LTBP1: variants seen among roughly 807,000 people sequenced by gnomAD.
LTBP1 encodes the protein latent-transforming growth factor beta-binding protein 1.
Under a neutral mutation model 207.6 loss-of-function variants are expected in LTBP1, and 129 were observed. The ratio of observed to expected loss-of-function variants is 0.62; its 90% CI spans 0.54 to 0.72. The LOEUF (loss-of-function observed/expected upper bound fraction) is 0.72, where lower values mean the gene tolerates loss of function less well. Among genes scored for constraint, LTBP1 ranks in the 30% least tolerant of loss-of-function variants. The pLI is 0.00. For missense variants in LTBP1, 2,281 were observed against 2,217.2 expected, an observed-to-expected ratio of 1.03 and a Z score of -0.58; for synonymous variants, 963 against 833.7, an observed-to-expected ratio of 1.16 and a Z score of -2.67.
intron 31 of LTBP1, among the ~76,000 whole-genome samples, chr2:33,373,262 GA>G (rs1336445668): frequency 2.0e-5 from 3 of 152,136 alleles, no homozygotes; most frequent in Non-Finnish European, 4.4e-5. Flanking sequence ...AAAATAAATT[GA>G]AAAATGTTAA....
chr2:33,130,895 A>G (rs113337967), intron 4 of LTBP1, among the ~76,000 whole-genome samples: 4 of 152,044 alleles, frequency 2.6e-5, no homozygotes, highest in African/African-American at 9.6e-5. Context: ...TAAAAATTGC[A>G]TTTTTTTTCC....
intron 3 of LTBP1, among the ~76,000 whole-genome samples, chr2:33,021,693 GGTTAAGTGTACCTTCT>G (rs1415323172): frequency 6.6e-6 from 1 of 152,172 alleles, no homozygotes; most frequent in Non-Finnish European, 1.5e-5. Flanking sequence ...CTCAGTAGCA[GGTTAAGTGTACCTTCT>G]GTTAACACCA....
intron 3 of LTBP1, among the ~76,000 whole-genome samples, chr2:33,082,667 C>T (rs1481703756): frequency 3.3e-5 from 5 of 152,004 alleles, no homozygotes; most frequent in African/African-American, 4.8e-5. Context: ...CCTCGTGATC[C>T]GCCTGCCACA....
intron 5 of LTBP1, among the ~76,000 whole-genome samples, chr2:33,185,394 C>T (rs2087090625): frequency 6.6e-6 from 1 of 151,992 alleles, no homozygotes; most frequent in Admixed American, 6.6e-5. Flanking sequence ...ATTTGAGGTG[C>T]CTATGAAATA....
intron 5 of LTBP1, among the ~76,000 whole-genome samples, chr2:33,144,883 A>G (rs2082893192): frequency 6.6e-6 from 1 of 152,150 alleles, no homozygotes; most frequent in South Asian, 2.1e-4. Context: ...ATTGTTGGAA[A>G]GCTTCCTGGA....
intron 5 of LTBP1, among the ~76,000 whole-genome samples, chr2:33,172,695 G>GTA (rs2085585195): frequency 6.6e-6 from 1 of 152,130 alleles, no homozygotes. Context: ...AATCAACAGA[G>GTA]TATACATCTT....
chr2:33,169,116 T>G (rs555128660), intron 5 of LTBP1, among the ~76,000 whole-genome samples: 1 of 152,338 alleles, frequency 6.6e-6, no homozygotes, highest in South Asian at 2.1e-4. Context: ...CACCCAGAAT[T>G]TATTCCTTTT....
chr2:33,322,760 A>T (rs1428211170), intron 24 of LTBP1, among the ~76,000 whole-genome samples: 1 of 152,156 alleles, frequency 6.6e-6, no homozygotes, highest in Admixed American at 6.5e-5. Context: ...ATAGTACAAG[A>T]TTGTTACCTC....
At chr2:33,320,667 G>A (rs2094341321) in intron 24 of LTBP1, among the ~76,000 whole-genome samples, 1 of 152,210 alleles carries the variant, frequency 6.6e-6, no homozygotes, top group Non-Finnish European at 1.5e-5. Flanking sequence ...CTTTCTTGCA[G>A]CTGTCAACAT....
Position 33,300,526 on chromosome 2 carries a change from C to G in LTBP1, c.3311C>G (p.Thr1104Ser). 2 of 1,613,768 alleles carry G rather than the reference C, an allele frequency of 1.2e-6. No individual in the cohort carries two copies. Among genetic ancestry groups the G allele is most frequent in the Non-Finnish European group, 1.7e-6 (2 of 1,179,788 alleles). ...AATACCGAGGGCTCCTTCAGGTGCA[C>G]CTGTGGACAGGGGTACCAGCTGTCG... is the stretch of plus-strand genomic sequence containing the variant. ...CKNTEGSFRC[T>S]CGQGYQLSAA... Residue 1104 changes from threonine to serine, a missense_variant, in exon 21 of 34, where the codon ACC becomes AGC. This residue lies in a region of LTBP1 where 1,671 missense variants were observed against 1,634.8 expected (regional missense o/e 1.02). Transcript: ENST00000404816.
At chr2:33,327,564 C>CTATT (rs2094443323) in intron 24 of LTBP1, among the ~76,000 whole-genome samples, 1 of 151,868 alleles carries the variant, frequency 6.6e-6, no homozygotes. Context: ...GCTTATATTC[C>CTATT]TATTTTAAAA....
At chr2:32,954,086 A>G (rs531454567) in intron 2 of LTBP1, among the ~76,000 whole-genome samples, 2 of 152,262 alleles carry the variant, frequency 1.3e-5, no homozygotes, top group African/African-American at 2.4e-5. Context: ...TATTCCAGAC[A>G]GTGGGGCAGT....
chr2:33,027,670 C>G (rs2075488404), intron 3 of LTBP1, among the ~76,000 whole-genome samples: 1 of 152,102 alleles, frequency 6.6e-6, no homozygotes, highest in East Asian at 1.9e-4. Context: ...CCCTTCTCTA[C>G]TAAAAAAAAT....
At chr2:33,389,339 A>G in intron 32 of LTBP1, 33 bp downstream of exon 32, 1 of 1,612,236 alleles carries the variant, frequency 6.2e-7, no homozygotes, top group Non-Finnish European at 8.5e-7. Context: ...TTTGATACTA[A>G]GTTGTGGTTG....
intron 22 of LTBP1, among the ~76,000 whole-genome samples, chr2:33,304,233 C>T (rs1421567085): frequency 1.3e-5 from 2 of 152,186 alleles, no homozygotes; most frequent in African/African-American, 4.8e-5. Flanking sequence ...ATAAATAGGA[C>T]TGGAGTCCAT....
At chr2:33,140,751 T>G (rs2082587417) in intron 5 of LTBP1, among the ~76,000 whole-genome samples, 1 of 151,206 alleles carries the variant, frequency 6.6e-6, no homozygotes, top group Admixed American at 6.6e-5. Context: ...CACTGCAACC[T>G]CCGCCTTCCG....
At chr2:33,283,725 C>T (rs924076075) in intron 19 of LTBP1, among the ~76,000 whole-genome samples, 14 of 152,276 alleles carry the variant, frequency 9.2e-5, no homozygotes, top group Admixed American at 7.8e-4. Context: ...CGTGAGCCAC[C>T]GTGCCCGGTC....
At position 33,301,625 on chromosome 2, in the gene LTBP1, G is replaced by C. The variant is rs1234092773; in HGVS notation, c.3462G>C (p.Gly1154=). 1 of 1,606,490 alleles carries C rather than the reference G, an allele frequency of 6.2e-7. No homozygotes were observed. Among genetic ancestry groups the C allele is most frequent in the Non-Finnish European group, 8.5e-7 (1 of 1,177,234 alleles). Residue 1154 remains glycine (G), a synonymous_variant, in exon 22 of 34, where the codon GGG becomes GGC. Transcript: ENST00000404816. ...GTGACCAGGGTTACAGAGCATCTGGGCTTGGAGACCACTGTGAAGGTAAGA... is the reference window on the plus strand; with the variant it reads ...GTGACCAGGGTTACAGAGCATCTGGCCTTGGAGACCACTGTGAAGGTAAGA... ...CVCDQGYRAS[G]LGDHCEDINE...
intron 4 of LTBP1, among the ~76,000 whole-genome samples, chr2:33,125,114 C>T (rs781288713): frequency 3.9e-5 from 6 of 152,178 alleles, no homozygotes; most frequent in Admixed American, 1.3e-4. Context: ...ATTTCCCAAG[C>T]GTATAGCATT....
Sources: allele counts gnomAD v4.1 joint callset (sites outside exome capture counted in the v4.1 genomes callset), GRCh38; gene constraint gnomAD v4.1.1; regional missense constraint gnomAD v4.1.1; transcripts MANE v1.5; gene names NCBI Gene and HGNC (gene_info 2026-07-23, HGNC 2026-07-21).